Variants in CDH12 observed in about 807,000 individuals in gnomAD.
CDH12 encodes cadherin 12.
CDH12 carries 41 observed loss-of-function variants against 74.1 expected under a neutral mutation model. The ratio of observed to expected loss-of-function variants is 0.55; its 90% CI spans 0.43 to 0.72. The LOEUF (loss-of-function observed/expected upper bound fraction) is 0.72. Among genes scored for constraint, CDH12 ranks in the 30% least tolerant of loss-of-function variants. CDH12 has a pLI of 0.00. For missense variants in CDH12, 945 were observed against 977.2 expected, an observed-to-expected ratio of 0.97 and a Z score of 0.44; for synonymous variants, 399 against 355.0, an observed-to-expected ratio of 1.12 and a Z score of -1.39.
At chr5:22,788,185 T>C (rs1747735142) in intron 1 of CDH12, among the ~76,000 whole-genome samples, 1 of 152,206 alleles carries the variant, frequency 6.6e-6, no homozygotes, top group Non-Finnish European at 1.5e-5. Flanking sequence ...TTTGTGAGTC[T>C]CATCTGCAGT....
In CDH12 at chr5:22,698,713, A is replaced by AG. The variant is rs1561585875; in HGVS notation, c.-523+154344_-523+154345insC. ...TATATATATATATATATATATATAT[A>AG]TATATATATATATATATATATAGTG... On this transcript the variant is annotated intron_variant, in intron 1 of 14. Coordinates refer to ENST00000382254, the MANE Select transcript of CDH12 (RefSeq NM_004061.5). 1.1e-3 allele frequency among the ~76,000 whole-genome samples: 26 copies of AG among 23,774 alleles called. No individual in the cohort carries two copies. The South Asian group carries it at 0.013, about 12-fold the overall frequency. 15.6% of individuals were successfully genotyped at this position (23,774 alleles called of 152,430 possible).
rs745344826 is a variant in CDH12, at chr5:22,059,347, CT to C, written c.231+19098del. Among the ~76,000 whole-genome samples the C allele has an allele frequency of 4.3e-4, 50 of 116,682 alleles. No homozygotes were observed. In the East Asian group the frequency reaches 6.8e-3, roughly 16 times the overall value. The allele number at this position is 116,682 out of a possible 152,430, so 76.5% of individuals were successfully genotyped here. ...TATCGTCTATCTATCATCTATCTAT[CT>C]ATCTATCTATCTATCTATCTATCTA... is the stretch of plus-strand genomic sequence containing the variant. On this transcript the variant is annotated intron_variant, in intron 5 of 14. Transcript: ENST00000382254.
intron 4 of CDH12, among the ~76,000 whole-genome samples, chr5:22,129,121 A>C (rs1412719348): frequency 6.6e-6 from 1 of 152,212 alleles, no homozygotes; most frequent in East Asian, 1.9e-4. Context: ...GTCATGAACA[A>C]AGTTGTATAA....
intron 6 of CDH12, among the ~76,000 whole-genome samples, chr5:21,911,538 T>C (rs1753858610): frequency 6.6e-6 from 1 of 152,102 alleles, no homozygotes; most frequent in Admixed American, 6.6e-5. Context: ...GAGATGTAGA[T>C]GGATAATTAA....
chr5:22,673,985 A>T (rs1050649264), intron 1 of CDH12, among the ~76,000 whole-genome samples: 2 of 152,196 alleles, frequency 1.3e-5, no homozygotes, highest in African/African-American at 4.8e-5. Flanking sequence ...TAGGTAACAG[A>T]TGACTATTTT....
intron 3 of CDH12, among the ~76,000 whole-genome samples, chr5:22,252,593 A>C (rs1248302049): frequency 3.3e-5 from 5 of 152,030 alleles, no homozygotes; most frequent in Admixed American, 6.6e-5. Context: ...CAAATCACCA[A>C]AGCTTTAAAA....
rs552198224 is a variant in CDH12 at position 22,330,429 on chromosome 5, G to A, written c.-333+74828C>T. ...GGTGACCCAGAACATTCCCAGCTGTGGAGGATATGGTGAAAGACTCCCTAT... is the reference window on the plus strand; with the variant it reads ...GGTGACCCAGAACATTCCCAGCTGTAGAGGATATGGTGAAAGACTCCCTAT... On this transcript the variant is annotated intron_variant, in intron 3 of 14. Coordinates refer to ENST00000382254, the MANE Select transcript of CDH12 (RefSeq NM_004061.5). Among the ~76,000 whole-genome samples, 100 of 152,086 alleles carry A rather than the reference G, an allele frequency of 6.6e-4. No homozygotes were observed. The Middle Eastern group carries it at 0.014, about 21-fold the overall frequency.
chr5:22,543,059 G>T (rs1179471678), intron 1 of CDH12, among the ~76,000 whole-genome samples: 1 of 152,146 alleles, frequency 6.6e-6, no homozygotes. Flanking sequence ...TCAGAGTCAT[G>T]AGAATTATGT....
intron 1 of CDH12, among the ~76,000 whole-genome samples, chr5:22,632,804 C>T (rs1738654089): frequency 6.6e-6 from 1 of 151,928 alleles, no homozygotes; most frequent in Non-Finnish European, 1.5e-5. Flanking sequence ...ATATTAATCT[C>T]TGCCACCAAG....
intron 1 of CDH12, among the ~76,000 whole-genome samples, chr5:22,651,971 A>T (rs1739769109): frequency 6.6e-6 from 1 of 152,166 alleles, no homozygotes; most frequent in Admixed American, 6.6e-5. Context: ...ATAAATACCA[A>T]GTAGACCTAC....
chr5:22,086,197 G>C (rs547134302), intron 4 of CDH12, among the ~76,000 whole-genome samples: 52 of 152,240 alleles, frequency 3.4e-4, no homozygotes, highest in African/African-American at 1.2e-3. Context: ...GGTGTCTGTA[G>C]ATGATTATTA....
At chr5:22,470,929 G>T (rs1745935178) in intron 2 of CDH12, among the ~76,000 whole-genome samples, 1 of 150,738 alleles carries the variant, frequency 6.6e-6, no homozygotes, top group Admixed American at 6.6e-5. Flanking sequence ...AAATTTGTGT[G>T]GAGAAAAACA....
At chr5:22,671,328 T>C (rs976485140) in intron 1 of CDH12, among the ~76,000 whole-genome samples, 1 of 152,158 alleles carries the variant, frequency 6.6e-6, no homozygotes, top group African/African-American at 2.4e-5. Flanking sequence ...CAAGGCTGTA[T>C]TGCACTATGC....
At chr5:22,404,204 T>C (rs1210720005) in intron 3 of CDH12, among the ~76,000 whole-genome samples, 1 of 150,952 alleles carries the variant, frequency 6.6e-6, no homozygotes, top group Admixed American at 6.6e-5. Context: ...ACACACACAA[T>C]TTTTTTTTGA....
chr5:22,322,346 A>G (rs1324876323), intron 3 of CDH12, among the ~76,000 whole-genome samples: 1 of 141,068 alleles, frequency 7.1e-6, no homozygotes, highest in African/African-American at 2.8e-5. Flanking sequence ...AAGGTTTCAT[A>G]AATATATTTC....
intron 1 of CDH12, among the ~76,000 whole-genome samples, chr5:22,557,727 G>C (rs1418852036): frequency 6.6e-6 from 1 of 151,780 alleles, no homozygotes; most frequent in Non-Finnish European, 1.5e-5. Context: ...GTGTTTTCAA[G>C]AATTACAAAG....
intron 6 of CDH12, among the ~76,000 whole-genome samples, chr5:21,901,971 G>A (rs17364304): frequency 0.042 from 6,435 of 152,176 alleles, 181 homozygotes; most frequent in Non-Finnish European, 0.062. Context: ...GCCACTGTAC[G>A]TGCAGAGATT....
chr5:22,007,206 C>T (rs1737017378), intron 5 of CDH12, among the ~76,000 whole-genome samples: 3 of 152,060 alleles, frequency 2.0e-5, no homozygotes, highest in African/African-American at 2.4e-5. Context: ...CTTATCTTCT[C>T]GTGTATTAAC....
intron 1 of CDH12, among the ~76,000 whole-genome samples, chr5:22,743,276 A>ATACATATATATGTATATATATG (rs70959755): frequency 6.8e-6 from 1 of 146,464 alleles, no homozygotes; most frequent in African/African-American, 2.5e-5. Context: ...ATATATATAT[A>ATACATATATATGTATATATATG]TATATGTATA....
Sources: gnomAD v4.1 joint callset for allele counts (sites outside exome capture counted in the v4.1 genomes callset) on GRCh38, gnomAD v4.1.1 for gene constraint, MANE v1.5 for transcripts, NCBI Gene and HGNC (gene_info 2026-07-23, HGNC 2026-07-21) for gene names.